CLBA1: variants seen among roughly 807,000 people sequenced by gnomAD.
CLBA1 encodes the protein clathrin binding box of aftiphilin containing 1.
CLBA1 carries 30 observed loss-of-function variants against 28.8 expected under a neutral mutation model. The ratio of observed to expected loss-of-function variants is 1.04; its 90% confidence interval spans 0.78 to 1.41. The LOEUF is 1.41. Among genes scored for constraint, CLBA1 ranks in the 40% most tolerant of loss-of-function variants. The pLI, the probability that CLBA1 is intolerant of heterozygous loss-of-function variation, is 0.00. For synonymous variants in CLBA1, 160 were observed against 152.8 expected (o/e 1.05, Z -0.35); for missense variants, 451 against 412.3 (o/e 1.09, Z -0.81).
At chr14:104,997,397 C>T (rs1566934896), downstream of CLBA1, among the ~76,000 whole-genome samples, 1 of 152,302 alleles carries the variant, frequency 6.6e-6, no homozygotes, top group South Asian at 2.1e-4. Flanking sequence ...CTGGGTGTAA[C>T]TGGAGTCCCA....
chr14:104,994,471 C>T lies in CLBA1; in HGVS notation c.817-127C>T, dbSNP rs1900118047. 7 of 1,425,840 alleles carry T rather than the reference C, an allele frequency of 4.9e-6. 1 individual carries two copies. The highest frequency in any genetic ancestry group is 2.6e-4 in the Middle Eastern group (1 of 3,836). The allele number at this position is 1,425,840 out of a possible 1,614,324, so 88.3% of individuals were successfully genotyped here. On this transcript the variant is annotated intron_variant, in intron 4 of 4. Transcript: ENST00000547315. ...GTGACATCCCATGATGAGAAGGTTT[C>T]TAAGAGGAGAACCAAGGAGAGAACA...
intron 1 of CLBA1, among the ~76,000 whole-genome samples, chr14:104,988,189 C>A (rs997643147): frequency 6.6e-6 from 1 of 152,110 alleles, no homozygotes; most frequent in Admixed American, 6.5e-5. Context: ...CGCTTAGTGC[C>A]CCAATGTAGC....
rs1381191412 is a variant in CLBA1 at position 104,993,015 on chromosome 14, C to T, written c.767C>T (p.Thr256Ile). Residue 256 changes from threonine (T) to isoleucine (I), a missense_variant, in exon 4 of 5, where the codon ACT becomes ATT. By Grantham distance (89) the Thr-to-Ile change is moderately conservative. Coordinates refer to ENST00000547315, the MANE Select transcript of CLBA1 (RefSeq NM_174891.4). ...CDLKEPEGLL[T>I]VSSFCLQHCK... Reference sequence around the variant, plus strand: ...CTCAAAGAGCCTGAAGGACTCCTCACTGTCAGCAGCTTCTGTCTCCAGCAT... The same window carrying T: ...CTCAAAGAGCCTGAAGGACTCCTCATTGTCAGCAGCTTCTGTCTCCAGCAT... 6.2e-7 allele frequency: 1 copy of T among 1,614,158 alleles called. No individual in the cohort carries two copies. The highest frequency in any genetic ancestry group is 8.5e-7 in the Non-Finnish European group (1 of 1,180,032).
In CLBA1 at chr14:104,994,774, T is replaced by C. The variant is rs752122027; in HGVS notation, c.*15T>C. ...ACGTTTGCTAAAATCAGGAGGACTTTGTACCTTTATGAGGAATTTTTCATT... is the reference window on the plus strand; with the variant it reads ...ACGTTTGCTAAAATCAGGAGGACTTCGTACCTTTATGAGGAATTTTTCATT... On this transcript the variant is annotated 3_prime_UTR_variant, in exon 5 of 5. Coordinates refer to ENST00000547315, the MANE Select transcript of CLBA1 (RefSeq NM_174891.4). 2 of 1,586,646 alleles carry C rather than the reference T, an allele frequency of 1.3e-6. No homozygotes were observed. Among genetic ancestry groups the C allele is most frequent in the South Asian group, 2.3e-5 (2 of 88,122 alleles).
In CLBA1 at chr14:104,988,607, G is replaced by A. The variant is rs150645136; in HGVS notation, c.424-336G>A. Among the ~76,000 whole-genome samples the A allele has an allele frequency of 8.8e-3, 1,338 of 152,278 alleles. 21 individuals carry two copies. Among genetic ancestry groups the A allele is most frequent in the African/African-American group, 0.031 (1,290 of 41,542 alleles). On this transcript the variant is annotated intron_variant, in intron 1 of 4. Transcript: ENST00000547315. ...GCCCACCTGGGGCTCCCAAAGTGCT[G>A]GGATTACAGGCGTGAGCCACCGCGC...
chr14:104,996,605 C>A (rs116749567), downstream of CLBA1, among the ~76,000 whole-genome samples: 1 of 152,304 alleles, frequency 6.6e-6, no homozygotes, highest in African/African-American at 2.4e-5. Flanking sequence ...GAGGAAGAGG[C>A]TGCAAGACAC....
At position 104,991,463 on chromosome 14, in the gene CLBA1, C is replaced by T; in HGVS notation, c.570-28C>T. The T allele has an allele frequency of 1.9e-6, 3 of 1,612,944 alleles. No homozygotes were observed. In the Admixed American group the frequency reaches 5.0e-5, roughly 27 times the overall value. On this transcript the variant is annotated intron_variant, in intron 2 of 4. Transcript: ENST00000547315. ...TCTCCTCAGAAGGCTCTCAAGGTCA[C>T]CTTTTAACAAGTGCATCTGTTTTCC... is the stretch of plus-strand genomic sequence containing the variant.
chr14:104,994,033 A>T, intron 4 of CLBA1: 1 of 985,294 alleles, frequency 1.0e-6, no homozygotes, highest in South Asian at 4.7e-5. Flanking sequence ...CTGGATGATC[A>T]GCACACAGGT....
chr14:104,992,854 T>A (rs1900072870), intron 3 of CLBA1, 94 bp from the exon 4 acceptor site: 4 of 1,058,120 alleles, frequency 3.8e-6, no homozygotes, highest in Non-Finnish European at 5.9e-6. Context: ...ACTTTGCAGT[T>A]TTAGCATGAA....
chr14:104,986,935 G>C, intron 1 of CLBA1, 81 bp downstream of exon 1: 1 of 1,490,146 alleles, frequency 6.7e-7, no homozygotes, highest in South Asian at 1.2e-5. Context: ...ATGCTGTGGC[G>C]TGCTGGCCAG....
Position 104,995,286 on chromosome 14 carries a change from C to T in CLBA1, c.*527C>T. 1.0e-6 allele frequency: 1 copy of T among 985,578 alleles called. No homozygotes were observed. The highest frequency in any genetic ancestry group is 1.2e-6 in the Non-Finnish European group (1 of 830,062). 61.1% of individuals were successfully genotyped at this position (985,578 alleles called of 1,614,324 possible). A position where few individuals can be genotyped will look rare whatever the true frequency, so the allele number is the denominator to read the frequency against. On this transcript the variant is annotated 3_prime_UTR_variant, in exon 5 of 5. Transcript: ENST00000547315. Reference sequence around the variant, plus strand: ...TACAGATGTGCTGTGTCCTCAGAGCCTCGCAGGTGCCCTCACTTACTGCCT... The same window carrying T: ...TACAGATGTGCTGTGTCCTCAGAGCTTCGCAGGTGCCCTCACTTACTGCCT...
chr14:104,996,785 CA>C (rs1900163737), downstream of CLBA1, among the ~76,000 whole-genome samples: 1 of 152,080 alleles, frequency 6.6e-6, no homozygotes, highest in African/African-American at 2.4e-5. Context: ...GCTCAGACCC[CA>C]CCGAAGCCAT....
chr14:104,989,769 C>T (rs931666848), intron 2 of CLBA1: 2 of 448,042 alleles, frequency 4.5e-6, no homozygotes, highest in South Asian at 1.6e-5. Context: ...GCTAGCTTCC[C>T]TGTCCCTCGG....
intron 4 of CLBA1, chr14:104,993,438 G>A (rs978092575): frequency 2.1e-5 from 21 of 985,270 alleles, no homozygotes; most frequent in African/African-American, 1.0e-4. Context: ...TGTTGACTCC[G>A]CCTGGGCAGC....
Position 104,989,027 on chromosome 14 carries a change from G to C in CLBA1, c.508G>C (p.Asp170His). The C allele has an allele frequency of 1.2e-6, 2 of 1,613,666 alleles. No homozygotes were observed. The highest frequency in any genetic ancestry group is 1.7e-6 in the Non-Finnish European group (2 of 1,179,736). ...GGCAGCTGAAGACGTTTCCACCATAGACCATTTCCTAGAAATAAGCAGTGA... is the reference window on the plus strand; with the variant it reads ...GGCAGCTGAAGACGTTTCCACCATACACCATTTCCTAGAAATAAGCAGTGA... ...QQAAEDVSTI[D>H]HFLEISSEEK... The change falls in exon 2 of 5, where the codon GAC becomes CAC. Residue 170 changes from aspartate (D) to histidine (H), a missense_variant. Transcript: ENST00000547315.
intron 2 of CLBA1, chr14:104,990,670 C>T (rs990589133): frequency 3.9e-5 from 6 of 152,332 alleles, no homozygotes; most frequent in African/African-American, 4.8e-5. Context: ...CCTCACAGTG[C>T]GTAGCAGTGA....
downstream of CLBA1, chr14:104,995,525 T>C (rs748520113): frequency 3.6e-5 from 35 of 984,016 alleles, no homozygotes; most frequent in Non-Finnish European, 3.9e-5. Context: ...AAGCCTGTTG[T>C]CACTGGTTCA....
Position 104,986,407 on chromosome 14 carries a change from C to CAG in CLBA1, c.-25_-24insAG, listed in dbSNP as rs1285230284. The stretch of plus-strand genomic sequence containing the variant: ...GTCTCCTGAGCAGCTGCCCATCGGG[C>CAG]CTCTGCTGGCCTGGGGGCTCCAAGA... On this transcript the variant is annotated 5_prime_UTR_variant, in exon 1 of 5. Transcript: ENST00000547315. The CAG allele has an allele frequency of 9.3e-6, 15 of 1,605,966 alleles. No individual in the cohort carries two copies. Among genetic ancestry groups the CAG allele is most frequent in the Non-Finnish European group, 1.3e-5 (15 of 1,177,564 alleles).
intron 4 of CLBA1, 153 bp from the exon 5 acceptor site, chr14:104,994,445 G>T (rs1566934189): frequency 1.0e-6 from 1 of 985,354 alleles, no homozygotes; most frequent in Non-Finnish European, 1.2e-6. Context: ...GCGCCTCTCT[G>T]GTGACATCCC....
Sources: gnomAD v4.1 joint callset for allele counts (sites outside exome capture counted in the v4.1 genomes callset) on GRCh38, gnomAD v4.1.1 for gene constraint, MANE v1.5 for transcripts, NCBI Gene and HGNC (gene_info 2026-07-23, HGNC 2026-07-21) for gene names.